The following MYL1 variants were observed in gnomAD, a reference collection of about 807,000 sequenced individuals.
MYL1 encodes myosin light chain 1, also known as myosin light chain 1/3, skeletal muscle isoform.
Under a neutral mutation model 21.8 loss-of-function variants are expected in MYL1, and 16 were observed. That is an observed-to-expected ratio of 0.74 (90% CI 0.50 to 1.12). The LOEUF (loss-of-function observed/expected upper bound fraction) is 1.12, where lower values mean the gene tolerates loss of function less well. Among genes scored for constraint, MYL1 ranks in the 50% most tolerant of loss-of-function variants. The pLI, the probability that MYL1 is intolerant of heterozygous loss-of-function variation, is 0.00. For synonymous variants in MYL1, 99 were observed against 85.2 expected (o/e 1.16, Z -0.89); for missense variants, 246 against 241.0 (o/e 1.02, Z -0.14).
chr2:210,290,965 G>A (rs1690065847), intron 6 of MYL1, 67 bp downstream of exon 6: 1 of 1,001,096 alleles, frequency 1.0e-6, no homozygotes, highest in East Asian at 2.5e-5. Flanking sequence ...ATAAACTGAA[G>A]CTGTCAAGTT....
rs572463514 is a variant in MYL1, at chr2:210,310,153, T to A, written c.132+4758A>T. Among the ~76,000 whole-genome samples the A allele has an allele frequency of 1.8e-4, 27 of 152,202 alleles. No homozygotes were observed. In the South Asian group the frequency reaches 5.2e-3, roughly 29 times the overall value. On this transcript the variant is annotated intron_variant, in intron 1 of 6. Coordinates refer to ENST00000352451, the MANE Select transcript of MYL1 (RefSeq NM_079420.3). ...CAATTGGCTAACATTACAGTTGTAT[T>A]AAAAATTAATTTGAACTATTAAAAG...
At chr2:210,304,304 T>A (rs1690306813) in intron 1 of MYL1, among the ~76,000 whole-genome samples, 1 of 152,248 alleles carries the variant, frequency 6.6e-6, no homozygotes, top group Non-Finnish European at 1.5e-5. Context: ...ATCTTTATAA[T>A]GGCTGAGTAG....
intron 2 of MYL1, among the ~76,000 whole-genome samples, chr2:210,302,266 T>C (rs1690275195): frequency 6.6e-6 from 1 of 152,188 alleles, no homozygotes; most frequent in Non-Finnish European, 1.5e-5. Context: ...GGCCTATTTG[T>C]GGTGCTTATC....
chr2:210,314,769 G>A lies in MYL1; in HGVS notation c.132+142C>T, dbSNP rs562004003. The A allele has an allele frequency of 8.5e-6, 8 of 940,378 alleles. No homozygotes were observed. In the South Asian group the frequency reaches 1.3e-4, roughly 15 times the overall value. The allele number at this position is 940,378 out of a possible 1,614,324, so 58.3% of individuals were successfully genotyped here. A position where few individuals can be genotyped will look rare whatever the true frequency, so the allele number is the denominator to read the frequency against. The stretch of plus-strand genomic sequence containing the variant: ...TATATGCTGGCATTCATTTTTTAAA[G>A]CAGGATTCTCTTCTTCATAATCTAC... On this transcript the variant is annotated intron_variant, in intron 1 of 6. Coordinates refer to ENST00000352451, the MANE Select transcript of MYL1 (RefSeq NM_079420.3).
rs117155879 is a variant in MYL1, at chr2:210,304,727, T to G, written c.133-2212A>C. 4.6e-4 allele frequency among the ~76,000 whole-genome samples: 70 copies of G among 152,320 alleles called. 1 individual carries two copies. In the East Asian group the frequency reaches 0.013, roughly 29 times the overall value. The stretch of plus-strand genomic sequence containing the variant: ...CTGACTAATTTTTATTTTGACTTTT[T>G]GTAGATACAGGGTCTCGTTATGTTG... On this transcript the variant is annotated intron_variant, in intron 1 of 6. Transcript: ENST00000352451.
At chr2:210,309,455 T>C (rs542626245) in intron 1 of MYL1, among the ~76,000 whole-genome samples, 1 of 152,176 alleles carries the variant, frequency 6.6e-6, no homozygotes, top group East Asian at 1.9e-4. Flanking sequence ...TTCACTGTTA[T>C]TAATTTGTGA....
Position 210,314,991 on chromosome 2 carries a change from G to C in MYL1, c.52C>G (p.Pro18Ala), listed in dbSNP as rs781150952. 3 of 1,609,420 alleles carry C rather than the reference G, an allele frequency of 1.9e-6. 1 individual carries two copies. The highest frequency in any genetic ancestry group is 2.2e-5 in the South Asian group (2 of 90,154). Residue 18 changes from proline (P) to alanine (A), a missense_variant, in exon 1 of 7, where the codon CCA becomes GCA. Pro to Ala is a conservative substitution (Grantham distance 27, BLOSUM62 -1). Transcript: ENST00000352451. ...KKPVAAAAAA[P>A]APAPAPAPAP... ...GGTGCAGGTGCCGGTGCCGGGGCTG[G>C]GGCAGCCGCAGCCGCAGCCACAGGT... is the stretch of plus-strand genomic sequence containing the variant.
At chr2:210,313,157 G>A (rs1208095842) in intron 1 of MYL1, among the ~76,000 whole-genome samples, 1 of 151,910 alleles carries the variant, frequency 6.6e-6, no homozygotes, top group Non-Finnish European at 1.5e-5. Flanking sequence ...TTCTTACACA[G>A]TTCCTCAGGG....
chr2:210,292,745 T>G (rs1690099430), intron 5 of MYL1, among the ~76,000 whole-genome samples: 1 of 152,354 alleles, frequency 6.6e-6, no homozygotes. Flanking sequence ...GTGCTCTTTA[T>G]GTTTTTAGCT....
chr2:210,313,366 T>C (rs1279509179), intron 1 of MYL1, among the ~76,000 whole-genome samples: 1 of 151,972 alleles, frequency 6.6e-6, no homozygotes, highest in Non-Finnish European at 1.5e-5. Flanking sequence ...GAGTTAAAGA[T>C]GAGGGACAAT....
chr2:210,302,379 C>T, intron 2 of MYL1, 109 bp downstream of exon 2: 1 of 980,146 alleles, frequency 1.0e-6, no homozygotes, highest in Non-Finnish European at 1.5e-6. Context: ...AGAATGGCAA[C>T]ACCAGTGGGG....
intron 1 of MYL1, among the ~76,000 whole-genome samples, chr2:210,304,435 T>C (rs1690309613): frequency 6.6e-6 from 1 of 152,224 alleles, no homozygotes; most frequent in African/African-American, 2.4e-5. Flanking sequence ...TAGATCATGC[T>C]GTTTCTATTT....
chr2:210,310,604 G>A (rs1398935427), intron 1 of MYL1, among the ~76,000 whole-genome samples: 2 of 152,038 alleles, frequency 1.3e-5, no homozygotes, highest in Non-Finnish European at 2.9e-5. Context: ...AACAAAATGG[G>A]CAGGAATATT....
chr2:210,307,780 G>T (rs1690358705), intron 1 of MYL1, among the ~76,000 whole-genome samples: 1 of 152,106 alleles, frequency 6.6e-6, no homozygotes, highest in African/African-American at 2.4e-5. Context: ...CTTTCTAATA[G>T]TAATAATGAG....
Position 210,308,523 on chromosome 2 carries a change from A to G in MYL1, c.133-6008T>C, listed in dbSNP as rs113977418. On this transcript the variant is annotated intron_variant, in intron 1 of 6. Coordinates refer to ENST00000352451, the MANE Select transcript of MYL1 (RefSeq NM_079420.3). The stretch of plus-strand genomic sequence containing the variant: ...ACCAGCCCAGTTTCTGCAATATAAG[A>G]GAGATTAGGTGGTTAGATTGCATAA... Among the ~76,000 whole-genome samples the G allele has an allele frequency of 7.6e-3, 1,131 of 149,198 alleles. 5 individuals are homozygous for G. The highest frequency in any genetic ancestry group is 0.012 in the Non-Finnish European group (788 of 67,242).
At chr2:210,305,565 TATG>T (rs1222174185) in intron 1 of MYL1, among the ~76,000 whole-genome samples, 1 of 152,166 alleles carries the variant, frequency 6.6e-6, no homozygotes, top group Non-Finnish European at 1.5e-5. Context: ...TGAATCATCT[TATG>T]ATTATTGAGA....
chr2:210,290,796 A>G (rs1004326997), intron 6 of MYL1, among the ~76,000 whole-genome samples: 1 of 152,168 alleles, frequency 6.6e-6, no homozygotes, highest in Non-Finnish European at 1.5e-5. Context: ...CAGTACAGTC[A>G]CAAAGATAGA....
At chr2:210,292,516 CT>C (rs1054965049) in intron 5 of MYL1, among the ~76,000 whole-genome samples, 15 of 149,620 alleles carry the variant, frequency 1.0e-4, no homozygotes, top group Non-Finnish European at 2.1e-4. Context: ...TGTAGTAGTT[CT>C]TTTTTATTAG....
chr2:210,313,940 C>T (rs571039004), intron 1 of MYL1, among the ~76,000 whole-genome samples: 1 of 152,116 alleles, frequency 6.6e-6, no homozygotes, highest in South Asian at 2.1e-4. Context: ...GGTACTATTG[C>T]TCATTGATTT....
Sources: gnomAD v4.1 joint callset for allele counts (sites outside exome capture counted in the v4.1 genomes callset) on GRCh38, gnomAD v4.1.1 for gene constraint, MANE v1.5 for transcripts, NCBI Gene and HGNC (gene_info 2026-07-23, HGNC 2026-07-21) for gene names.